DAZAP1: variants seen among roughly 807,000 people sequenced by gnomAD.
The protein encoded by DAZAP1 is DAZ-associated protein 1.
Under a neutral mutation model 60.1 loss-of-function variants are expected in DAZAP1, and 6 were observed. That is an observed-to-expected ratio of 0.10 (90% confidence interval 0.05 to 0.20). The LOEUF is 0.20. Among genes scored for constraint, DAZAP1 ranks in the 10% least tolerant of loss-of-function variants. The pLI, the probability that DAZAP1 is intolerant of heterozygous loss-of-function variation, is 1.00. For missense variants in DAZAP1, 366 were observed against 560.4 expected, an observed-to-expected ratio of 0.65 and a Z score of 3.50; for synonymous variants, 235 against 215.9, an observed-to-expected ratio of 1.09 and a Z score of -0.78.
In DAZAP1 at chr19:1,423,888, G is replaced by T. The variant is rs1419543619; in HGVS notation, c.463+1492G>T. ...GGCGAGTGTCGCTGAGTCCACACTGGTGTACAGAGCACTTCGGGGCCAGCA... is the reference window on the plus strand; with the variant it reads ...GGCGAGTGTCGCTGAGTCCACACTGTTGTACAGAGCACTTCGGGGCCAGCA... On this transcript the variant is annotated intron_variant, in intron 6 of 11. Coordinates refer to ENST00000233078, the MANE Select transcript of DAZAP1 (RefSeq NM_018959.4). This position sits in a 1 kb window ranked among gnomAD's most constrained non-coding sequence, Gnocchi z 6.8. Among the ~76,000 whole-genome samples, 3 of 152,230 alleles carry T rather than the reference G, an allele frequency of 2.0e-5. No homozygotes were observed. Among genetic ancestry groups the T allele is most frequent in the Non-Finnish European group, 4.4e-5 (3 of 68,050 alleles).
intron 4 of DAZAP1, 49 bp from the exon 5 acceptor site, chr19:1,421,097 AGG>A (rs1336805160): frequency 6.4e-7 from 1 of 1,555,478 alleles, no homozygotes; most frequent in South Asian, 1.1e-5. Flanking sequence ...AGCTCGCGGG[AGG>A]GTTTGGAGGG....
chr19:1,432,354 C>G lies in DAZAP1; in HGVS notation c.872-160C>G, dbSNP rs2083473767. 2.7e-6 allele frequency: 2 copies of G among 749,034 alleles called. No individual in the cohort carries two copies. Among genetic ancestry groups the G allele is most frequent in the South Asian group, 3.2e-5 (2 of 62,832 alleles). 46.4% of individuals were successfully genotyped at this position (749,034 alleles called of 1,614,324 possible). On this transcript the variant is annotated intron_variant, in intron 10 of 11. Transcript: ENST00000233078. The surrounding 1 kb of genome is among the most constrained non-coding windows in gnomAD (Gnocchi z 4.9). ...GGGGGAGCGGCCCGGGACCGTGGCT[C>G]TGTGGTCCATTCTGTGGATGTCCAC...
At chr19:1,409,062 C>T (rs2082749632) in intron 1 of DAZAP1, among the ~76,000 whole-genome samples, 1 of 152,156 alleles carries the variant, frequency 6.6e-6, no homozygotes, top group Non-Finnish European at 1.5e-5. Flanking sequence ...TTTGTGGGCT[C>T]TCCCCCTCCC....
chr19:1,415,394 GT>G (rs3837987), intron 1 of DAZAP1, among the ~76,000 whole-genome samples: 1,118 of 69,810 alleles, frequency 0.016, 16 homozygotes, highest in African/African-American at 0.038. Context: ...TGTGTGTTTT[GT>G]TTTTTTTTTT....
chr19:1,409,856 G>C (rs2082775075), intron 1 of DAZAP1: 1 of 152,310 alleles, frequency 6.6e-6, no homozygotes, highest in Non-Finnish European at 1.5e-5. Flanking sequence ...TTACCCACTG[G>C]GGGGGCTCGG....
chr19:1,430,547 G>T (rs1000571748), intron 10 of DAZAP1, among the ~76,000 whole-genome samples, 185 bp downstream of exon 10: 1 of 152,158 alleles, frequency 6.6e-6, no homozygotes, highest in Non-Finnish European at 1.5e-5. Flanking sequence ...CTGTGGCCTC[G>T]CTGGTTAGGC....
chr19:1,409,716 G>A (rs957378482), intron 1 of DAZAP1: 2 of 152,400 alleles, frequency 1.3e-5, no homozygotes, highest in African/African-American at 2.4e-5. Context: ...GTGACCCTGC[G>A]AAGCGCCCTC....
Position 1,418,456 on chromosome 19 carries a change from T to A in DAZAP1, c.237+86T>A. ...ATTTTTTCCTGGACTCTGACCGATG[T>A]TTGCGTTAGAGTATGTTTGAACGTG... On this transcript the variant is annotated intron_variant, in intron 3 of 11. Coordinates refer to ENST00000233078, the MANE Select transcript of DAZAP1 (RefSeq NM_018959.4). The surrounding 1 kb of genome is among the most constrained non-coding windows in gnomAD (Gnocchi z 5.7). The A allele has an allele frequency of 2.6e-6, 4 of 1,533,416 alleles. No homozygotes were observed. The highest frequency in any genetic ancestry group is 3.6e-6 in the Non-Finnish European group (4 of 1,115,446). 95.0% of individuals were successfully genotyped at this position (1,533,416 alleles called of 1,614,324 possible).
intron 1 of DAZAP1, chr19:1,409,691 G>A (rs1486402127): frequency 6.6e-6 from 1 of 152,146 alleles, no homozygotes; most frequent in African/African-American, 2.4e-5. Context: ...GAGTTGTTGT[G>A]TGCGTGAAAT....
In DAZAP1 at chr19:1,418,439, C is replaced by G; in HGVS notation, c.237+69C>G. ...TGTCCTTCCTCTGCTTCATTTTTTC[C>G]TGGACTCTGACCGATGTTTGCGTTA... On this transcript the variant is annotated intron_variant, in intron 3 of 11. Coordinates refer to ENST00000233078, the MANE Select transcript of DAZAP1 (RefSeq NM_018959.4). This position sits in a 1 kb window ranked among gnomAD's most constrained non-coding sequence, Gnocchi z 5.7. The G allele has an allele frequency of 1.3e-6, 2 of 1,575,160 alleles. No individual in the cohort carries two copies. The highest frequency in any genetic ancestry group is 1.7e-6 in the Non-Finnish European group (2 of 1,150,884).
In DAZAP1 at chr19:1,429,902, C is replaced by A; in HGVS notation, c.701-65C>A. ...AGCCCTTGACGTCCATGCTCTGCGG[C>A]TCCTTCTCTGCGTCGGACAGCTGGT... On this transcript the variant is annotated intron_variant, in intron 8 of 11. Transcript: ENST00000233078. 3 of 1,548,118 alleles carry A rather than the reference C, an allele frequency of 1.9e-6. No individual in the cohort carries two copies. The South Asian group carries it at 3.6e-5, about 18-fold the overall frequency.
Position 1,407,650 on chromosome 19 carries a change from GCC to G in DAZAP1, c.-123_-122del. 1 of 947,140 alleles carries G rather than the reference GCC, an allele frequency of 1.1e-6. No homozygotes were observed. Among genetic ancestry groups the G allele is most frequent in the Non-Finnish European group, 1.3e-6 (1 of 792,836 alleles). 58.7% of individuals were successfully genotyped at this position (947,140 alleles called of 1,614,324 possible). Reference sequence around the variant, plus strand: ...CGCCGCCGCCGCCGCCGCCGCCGCCGCCGCCGCCGCCGTTGCGCAGATCCGGG... The same window carrying G: ...CGCCGCCGCCGCCGCCGCCGCCGCCGGCCGCCGCCGTTGCGCAGATCCGGG... On this transcript the variant is annotated 5_prime_UTR_variant, in exon 1 of 12. Transcript: ENST00000233078.
chr19:1,409,047 T>TG (rs1309250805), intron 1 of DAZAP1, among the ~76,000 whole-genome samples: 1 of 152,172 alleles, frequency 6.6e-6, no homozygotes, highest in African/African-American at 2.4e-5. Context: ...GGATGGGAAA[T>TG]GCCTTTTGTG....
In DAZAP1 at chr19:1,425,682, A is replaced by G. The variant is rs2083290142; in HGVS notation, c.464-196A>G. ...AGCCGTCACCGGGAGTGCGGACGTCACCGTCTGTCCACTCCGTGTGCAGTC... is the reference window on the plus strand; with the variant it reads ...AGCCGTCACCGGGAGTGCGGACGTCGCCGTCTGTCCACTCCGTGTGCAGTC... On this transcript the variant is annotated intron_variant, in intron 6 of 11. Coordinates refer to ENST00000233078, the MANE Select transcript of DAZAP1 (RefSeq NM_018959.4). The surrounding 1 kb of genome is among the most constrained non-coding windows in gnomAD (Gnocchi z 5.4). 1.3e-5 allele frequency among the ~76,000 whole-genome samples: 2 copies of G among 152,160 alleles called. No individual in the cohort carries two copies. The highest frequency in any genetic ancestry group is 4.8e-5 in the African/African-American group (2 of 41,438).
intron 1 of DAZAP1, chr19:1,410,186 T>G (rs1327663636): frequency 6.6e-6 from 1 of 152,174 alleles, no homozygotes; most frequent in African/African-American, 2.4e-5. Flanking sequence ...TAAAGCTTGA[T>G]GGGGGATGAA....
At chr19:1,413,264 G>A (rs958553470) in intron 1 of DAZAP1, among the ~76,000 whole-genome samples, 1 of 152,222 alleles carries the variant, frequency 6.6e-6, no homozygotes, top group Non-Finnish European at 1.5e-5. Context: ...CCGGCTTCCT[G>A]GACTCCGACG....
chr19:1,411,825 C>T (rs2082839710), intron 1 of DAZAP1, among the ~76,000 whole-genome samples: 1 of 152,360 alleles, frequency 6.6e-6, no homozygotes, highest in African/African-American at 2.4e-5. Context: ...AGAGGGCGCT[C>T]CTGGTCAGGC....
chr19:1,425,823 C>T lies in DAZAP1; in HGVS notation c.464-55C>T. On this transcript the variant is annotated intron_variant, in intron 6 of 11. Coordinates refer to ENST00000233078, the MANE Select transcript of DAZAP1 (RefSeq NM_018959.4). The surrounding 1 kb of genome is among the most constrained non-coding windows in gnomAD (Gnocchi z 5.4). ...GCCCGTCCCTAATACTGTTCATCAT[C>T]CTGTTTTGTGTCACAACACCCTGCT... is the stretch of plus-strand genomic sequence containing the variant. 8.3e-7 allele frequency: 1 copy of T among 1,207,752 alleles called. No individual in the cohort carries two copies. The highest frequency in any genetic ancestry group is 1.2e-6 in the Non-Finnish European group (1 of 809,684). The allele number at this position is 1,207,752 out of a possible 1,614,324, so 74.8% of individuals were successfully genotyped here.
At chr19:1,431,728 G>A (rs994698464) in intron 10 of DAZAP1, among the ~76,000 whole-genome samples, 1 of 152,256 alleles carries the variant, frequency 6.6e-6, no homozygotes, top group African/African-American at 2.4e-5. Context: ...TAGAGAAGAA[G>A]GGACATGGGC....
Sources: allele counts gnomAD v4.1 joint callset (sites outside exome capture counted in the v4.1 genomes callset), GRCh38; gene constraint gnomAD v4.1.1; non-coding constraint Gnocchi (gnomAD v3.1); transcripts MANE v1.5; gene names NCBI Gene and HGNC (gene_info 2026-07-23, HGNC 2026-07-21).